Variants in EVPLL observed in about 807,000 individuals in gnomAD.
EVPLL encodes the protein envoplakin-like protein.
A neutral mutation model predicts 46.2 loss-of-function variants in EVPLL; 39 were observed. The ratio of observed to expected loss-of-function variants is 0.84; its 90% CI spans 0.65 to 1.10. EVPLL has a LOEUF of 1.10. EVPLL is among the 50% of genes least tolerant of loss of function. The probability of loss-of-function intolerance (pLI) is 0.00; values close to 1 mark genes in which losing one functional copy is unlikely to be tolerated. For missense variants in EVPLL, 385 were observed against 412.6 expected, an observed-to-expected ratio of 0.93 and a Z score of 0.58; for synonymous variants, 156 against 165.8, an observed-to-expected ratio of 0.94 and a Z score of 0.46.
rs1467124492 is a variant in EVPLL, at chr17:18,383,095, G to A, written c.582G>A (p.Leu194=). 9 of 1,551,154 alleles carry A rather than the reference G, an allele frequency of 5.8e-6. No individual in the cohort carries two copies. Among genetic ancestry groups the A allele is most frequent in the Non-Finnish European group, 7.8e-6 (9 of 1,154,870 alleles). ...VHALQGCTWQ[L]SALAEQQRRI... The stretch of plus-strand genomic sequence containing the variant: ...CACTGCAGGGCTGCACGTGGCAGCT[G>A]AGCGCCCTGGCGGAGCAGCAGCGCC... The change falls in exon 7 of 11, where the codon CTG becomes CTA. Residue 194 remains leucine (L), a synonymous_variant. Transcript: ENST00000399134.
Position 18,381,232 on chromosome 17 carries a change from C to A in EVPLL, c.64-135C>A. 1.4e-6 allele frequency: 2 copies of A among 1,400,924 alleles called. No individual in the cohort carries two copies. Among genetic ancestry groups the A allele is most frequent in the South Asian group, 1.5e-5 (1 of 68,480 alleles). 86.8% of individuals were successfully genotyped at this position (1,400,924 alleles called of 1,614,324 possible). A position where few individuals can be genotyped will look rare whatever the true frequency, so the allele number is the denominator to read the frequency against. On this transcript the variant is annotated intron_variant, in intron 2 of 10. Coordinates refer to ENST00000399134, the MANE Select transcript of EVPLL (RefSeq NM_001145127.2). The surrounding 1 kb of genome is among the most constrained non-coding windows in gnomAD (Gnocchi z 4.2). ...TGCCTCATGGACGCCCTGGGCCTGA[C>A]CCTGTGCCTGGCGTGGGCCTCGAGG...
intron 1 of EVPLL, among the ~76,000 whole-genome samples, chr17:18,378,262 A>G (rs1276000589): frequency 2.0e-5 from 3 of 152,216 alleles, no homozygotes; most frequent in Admixed American, 2.0e-4. Flanking sequence ...GCTCAGCGGG[A>G]GAAGTGCCGG....
intron 9 of EVPLL, 188 bp from the exon 10 acceptor site, chr17:18,388,027 CATAT>C: frequency 1.1e-5 from 1 of 86,980 alleles, no homozygotes. Flanking sequence ...TCTCTCTCTC[CATAT>C]ATATATATAT....
intron 1 of EVPLL, among the ~76,000 whole-genome samples, chr17:18,378,258 C>T (rs149563633): frequency 5.3e-5 from 8 of 152,224 alleles, no homozygotes; most frequent in Non-Finnish European, 1.0e-4. Context: ...TGCTGCTCAG[C>T]GGGAGAAGTG....
At chr17:18,386,861 C>T (rs1284786156) in intron 9 of EVPLL, among the ~76,000 whole-genome samples, 1 of 151,296 alleles carries the variant, frequency 6.6e-6, no homozygotes, top group African/African-American at 2.4e-5. Context: ...GCTTCAATCA[C>T]ACAAATAATC....
In EVPLL at chr17:18,383,331, G is replaced by C. The variant is rs763162308; in HGVS notation, c.733G>C (p.Gly245Arg). 14 of 1,605,444 alleles carry C rather than the reference G, an allele frequency of 8.7e-6. No individual in the cohort carries two copies. In the Admixed American group the frequency reaches 1.2e-4, roughly 14 times the overall value. ...GAGCGTAAACCAGCTGGAGGAGGAC[G>C]GCAAGCGCATGGTGGAGCTGCGGCA... ...EQSVNQLEED[G>R]KRMVELRHPA... The change falls in exon 8 of 11, where the codon GGC becomes CGC. Residue 245 changes from glycine to arginine, a missense_variant. By Grantham distance (125) the Gly-to-Arg change is moderately radical (BLOSUM62 -2). Transcript: ENST00000399134.
Position 18,382,651 on chromosome 17 carries a change from G to A in EVPLL, c.472+13G>A. ...CCTGGTGGGGCCGGTGGGTGAGCCGGGAAGATGTTACATCCGGGGCCAGCC... is the reference window on the plus strand; with the variant it reads ...CCTGGTGGGGCCGGTGGGTGAGCCGAGAAGATGTTACATCCGGGGCCAGCC... On this transcript the variant is annotated intron_variant, in intron 5 of 10. Transcript: ENST00000399134. The A allele has an allele frequency of 6.4e-7, 1 of 1,552,108 alleles. No homozygotes were observed. Among genetic ancestry groups the A allele is most frequent in the Non-Finnish European group, 8.7e-7 (1 of 1,147,228 alleles).
At position 18,381,174 on chromosome 17, in the gene EVPLL, T is replaced by C; in HGVS notation, c.63+174T>C. ...CGGTGGGAGAGAGGGCTCAACTTCC[T>C]TCTTTGCTGGGCTCCCCTGTGTCTT... On this transcript the variant is annotated intron_variant, in intron 2 of 10. Transcript: ENST00000399134. This position sits in a 1 kb window ranked among gnomAD's most constrained non-coding sequence, Gnocchi z 4.2. The C allele has an allele frequency of 8.3e-7, 1 of 1,205,998 alleles. No homozygotes were observed. Among genetic ancestry groups the C allele is most frequent in the Non-Finnish European group, 1.1e-6 (1 of 870,304 alleles). 74.7% of individuals were successfully genotyped at this position (1,205,998 alleles called of 1,614,324 possible).
At position 18,381,512 on chromosome 17, in the gene EVPLL, C is replaced by A; in HGVS notation, c.209C>A (p.Thr70Asn). The change falls in exon 3 of 11, where the codon ACT becomes AAT. Residue 70 changes from threonine to asparagine, a missense_variant. By Grantham distance (65) the Thr-to-Asn change is moderately conservative. Coordinates refer to ENST00000399134, the MANE Select transcript of EVPLL (RefSeq NM_001145127.2). This position sits in a 1 kb window ranked among gnomAD's most constrained non-coding sequence, Gnocchi z 4.2. Reference protein sequence around the residue: ...RRLKHPQAEETEKDIEQLHER... With the variant: ...RRLKHPQAEENEKDIEQLHER... ...CTCAAGCACCCGCAGGCTGAGGAGA[C>A]TGAGAAGGAGTGAGTGGGGCTGCGG... 6.2e-7 allele frequency: 1 copy of A among 1,613,878 alleles called. No individual in the cohort carries two copies. Among genetic ancestry groups the A allele is most frequent in the Non-Finnish European group, 8.5e-7 (1 of 1,179,918 alleles).
intron 9 of EVPLL, among the ~76,000 whole-genome samples, chr17:18,384,180 A>G (rs1183992776): frequency 2.6e-5 from 4 of 151,626 alleles, no homozygotes; most frequent in Non-Finnish European, 5.9e-5. Flanking sequence ...TAAATATTTC[A>G]TGGGGGCCAG....
At position 18,381,612 on chromosome 17, in the gene EVPLL, G is replaced by A. The variant is rs775546090; in HGVS notation, c.228G>A (p.Gln76=). The A allele has an allele frequency of 6.2e-7, 1 of 1,614,166 alleles. No individual in the cohort carries two copies. Among genetic ancestry groups the A allele is most frequent in the South Asian group, 1.1e-5 (1 of 91,088 alleles). Residue 76 remains glutamine (Q), a synonymous_variant, in exon 4 of 11, where the codon CAG becomes CAA. Coordinates refer to ENST00000399134, the MANE Select transcript of EVPLL (RefSeq NM_001145127.2). This position sits in a 1 kb window ranked among gnomAD's most constrained non-coding sequence, Gnocchi z 4.2. ...GCCACCTTCTTGACAGCATCGAGCA[G>A]CTGCACGAGCGGGTGACCCAGGAGT... is the stretch of plus-strand genomic sequence containing the variant. The part of the protein sequence containing the change: ...QAEETEKDIE[Q]LHERVTQECA...
At chr17:18,388,494 C>A in intron 10 of EVPLL, 1 of 474,222 alleles carries the variant, frequency 2.1e-6, no homozygotes, top group African/African-American at 2.0e-5. Flanking sequence ...CTTCCTGTTC[C>A]TCTGGCTATG....
chr17:18,381,989 C>A lies in EVPLL; in HGVS notation c.346+259C>A. The A allele has an allele frequency of 1.9e-6, 1 of 538,128 alleles. No individual in the cohort carries two copies. Among genetic ancestry groups the A allele is most frequent in the South Asian group, 2.5e-5 (1 of 40,450 alleles). 33.3% of individuals were successfully genotyped at this position (538,128 alleles called of 1,614,324 possible). A position where few individuals can be genotyped will look rare whatever the true frequency, so the allele number is the denominator to read the frequency against. ...AGAGGACAATTCCAGAAAGAAGGAG[C>A]AAAGGCACCTGCCAGGAGGAAGCCT... On this transcript the variant is annotated intron_variant, in intron 4 of 10. Transcript: ENST00000399134. The surrounding 1 kb of genome is among the most constrained non-coding windows in gnomAD (Gnocchi z 4.2).
Position 18,387,061 on chromosome 17 carries a change from A to AT in EVPLL, c.877-1147dup, listed in dbSNP as rs35980776. On this transcript the variant is annotated intron_variant, in intron 9 of 10. Transcript: ENST00000399134. ...AGGTGCCCGCCACCACGCATGGCTA[A>AT]TTTTTTTTTTTGTATTTTTAGTAGA... 6.4e-4 allele frequency among the ~76,000 whole-genome samples: 92 copies of AT among 144,296 alleles called. No individual in the cohort carries two copies. The East Asian group carries it at 0.014, about 22-fold the overall frequency. The allele number at this position is 144,296 out of a possible 152,430, so 94.7% of individuals were successfully genotyped here.
chr17:18,381,160 A>G lies in EVPLL; in HGVS notation c.63+160A>G. Reference sequence around the variant, plus strand: ...TGTCCCCTAACACACGGTGGGAGAGAGGGCTCAACTTCCTTCTTTGCTGGG... The same window carrying G: ...TGTCCCCTAACACACGGTGGGAGAGGGGGCTCAACTTCCTTCTTTGCTGGG... On this transcript the variant is annotated intron_variant, in intron 2 of 10. Coordinates refer to ENST00000399134, the MANE Select transcript of EVPLL (RefSeq NM_001145127.2). This position sits in a 1 kb window ranked among gnomAD's most constrained non-coding sequence, Gnocchi z 4.2. 1 of 1,182,890 alleles carries G rather than the reference A, an allele frequency of 8.5e-7. No homozygotes were observed. Among genetic ancestry groups the G allele is most frequent in the Non-Finnish European group, 1.2e-6 (1 of 844,888 alleles). 73.3% of individuals were successfully genotyped at this position (1,182,890 alleles called of 1,614,324 possible).
At position 18,382,576 on chromosome 17, in the gene EVPLL, C is replaced by T; in HGVS notation, c.410C>T (p.Ala137Val). 6.4e-7 allele frequency: 1 copy of T among 1,551,852 alleles called. No homozygotes were observed. The highest frequency in any genetic ancestry group is 8.7e-7 in the Non-Finnish European group (1 of 1,147,046). The change falls in exon 5 of 11, where the codon GCT becomes GTT. Residue 137 changes from alanine to valine, a missense_variant. Coordinates refer to ENST00000399134, the MANE Select transcript of EVPLL (RefSeq NM_001145127.2). ...GGAGCTGGAGGAACAGATCGCGGAG[C>T]TCAACATCGTGCAGAAGGAGATCAA... ...HGGAGGTDRG[A>V]QHRAEGDQRP... is the part of the protein sequence containing the mutation.
chr17:18,388,402 C>G (rs1987846663), intron 10 of EVPLL, 114 bp downstream of exon 10: 2 of 648,190 alleles, frequency 3.1e-6, no homozygotes, highest in Non-Finnish European at 5.5e-6. Context: ...CCTGCTGCCT[C>G]TGTGCTGTGT....
chr17:18,381,623 G>C lies in EVPLL; in HGVS notation c.239G>C (p.Arg80Pro). 1.2e-6 allele frequency: 2 copies of C among 1,614,158 alleles called. No homozygotes were observed. The highest frequency in any genetic ancestry group is 1.7e-6 in the Non-Finnish European group (2 of 1,180,024). The stretch of plus-strand genomic sequence containing the variant: ...GACAGCATCGAGCAGCTGCACGAGC[G>C]GGTGACCCAGGAGTGTGCGGAGTAC... Reference protein sequence around the residue: ...TEKDIEQLHERVTQECAEYCA... With the variant: ...TEKDIEQLHEPVTQECAEYCA... The change falls in exon 4 of 11, where the codon CGG (arginine) becomes CCG (proline). Residue 80 changes from arginine (R) to proline (P), a missense_variant. Physicochemically the swap from Arg to Pro is moderately radical, Grantham distance 103. Coordinates refer to ENST00000399134, the MANE Select transcript of EVPLL (RefSeq NM_001145127.2). This position sits in a 1 kb window ranked among gnomAD's most constrained non-coding sequence, Gnocchi z 4.2.
In EVPLL at chr17:18,381,250, C is replaced by A; in HGVS notation, c.64-117C>A. 1 of 1,434,530 alleles carries A rather than the reference C, an allele frequency of 7.0e-7. No homozygotes were observed. The highest frequency in any genetic ancestry group is 9.2e-7 in the Non-Finnish European group (1 of 1,088,748). 88.9% of individuals were successfully genotyped at this position (1,434,530 alleles called of 1,614,324 possible). A position where few individuals can be genotyped will look rare whatever the true frequency, so the allele number is the denominator to read the frequency against. On this transcript the variant is annotated intron_variant, in intron 2 of 10. Transcript: ENST00000399134. The surrounding 1 kb of genome is among the most constrained non-coding windows in gnomAD (Gnocchi z 4.2). Reference sequence around the variant, plus strand: ...GGCCTGACCCTGTGCCTGGCGTGGGCCTCGAGGTTGGCCAGCATAGCTGGG... The same window carrying A: ...GGCCTGACCCTGTGCCTGGCGTGGGACTCGAGGTTGGCCAGCATAGCTGGG...
Sources: allele counts gnomAD v4.1 joint callset (sites outside exome capture counted in the v4.1 genomes callset), GRCh38; gene constraint gnomAD v4.1.1; non-coding constraint Gnocchi (gnomAD v3.1); transcripts MANE v1.5; gene names NCBI Gene and HGNC (gene_info 2026-07-23, HGNC 2026-07-21).